Variants in SRSF12 observed in about 807,000 individuals in gnomAD.
The protein encoded by SRSF12 is serine/arginine-rich splicing factor 12.
A neutral mutation model predicts 34.1 loss-of-function variants in SRSF12; 21 were observed. The observed-to-expected ratio is 0.62, with a 90% CI of 0.44 to 0.89. SRSF12 has a LOEUF of 0.89. Ranked by LOEUF, SRSF12 falls within the 40% of genes least tolerant of loss-of-function variation. The pLI is 0.00. For missense variants in SRSF12, 278 were observed against 327.8 expected (o/e 0.85, Z 1.17); for synonymous variants, 111 against 110.8 (o/e 1.00, Z -0.01).
At chr6:89,104,223 CTTTTTTTT>C (rs138798211) in intron 4 of SRSF12, among the ~76,000 whole-genome samples, 2 of 123,550 alleles carry the variant, frequency 1.6e-5, no homozygotes, top group East Asian at 2.3e-4. Flanking sequence ...AACTCATCAC[CTTTTTTTT>C]TTTTTTTTTT....
In SRSF12 at chr6:89,097,679, C is replaced by T. The variant is rs1031815013; in HGVS notation, c.*899G>A. On this transcript the variant is annotated 3_prime_UTR_variant, in exon 5 of 5. Coordinates refer to ENST00000452027, the MANE Select transcript of SRSF12 (RefSeq NM_080743.5). ...AAGTTTCTTAATACAAGGTACTAAA[C>T]ACTCTTTCAAAAATAATAAGACTTG... 2.0e-5 allele frequency: 3 copies of T among 152,004 alleles called. No homozygotes were observed. Among genetic ancestry groups the T allele is most frequent in the African/African-American group, 7.2e-5 (3 of 41,394 alleles). 9.4% of individuals were successfully genotyped at this position (152,004 alleles called of 1,614,324 possible).
At position 89,117,901 on chromosome 6, in the gene SRSF12, G is replaced by C; in HGVS notation, c.-14C>G. 3.8e-6 allele frequency: 6 copies of C among 1,559,288 alleles called. No individual in the cohort carries two copies. The highest frequency in any genetic ancestry group is 5.2e-6 in the Non-Finnish European group (6 of 1,155,608). On this transcript the variant is annotated 5_prime_UTR_variant, in exon 1 of 5. Coordinates refer to ENST00000452027, the MANE Select transcript of SRSF12 (RefSeq NM_080743.5). ...GTAGCGAGACATGACCGCTTCCTCC[G>C]TTCCCTCCGGGTCTGCCCGCGGCCG...
intron 4 of SRSF12, among the ~76,000 whole-genome samples, chr6:89,101,212 A>G (rs906753265): frequency 2.0e-5 from 3 of 152,212 alleles, no homozygotes; most frequent in African/African-American, 7.2e-5. Context: ...AATCCCTAAA[A>G]GAACACAGCA....
intron 1 of SRSF12, among the ~76,000 whole-genome samples, chr6:89,115,518 G>A (rs1769248166): frequency 6.6e-6 from 1 of 151,968 alleles, no homozygotes; most frequent in Non-Finnish European, 1.5e-5. Context: ...CTCACCTCAA[G>A]TGATCCGCCG....
At position 89,117,863 on chromosome 6, in the gene SRSF12, T is replaced by C; in HGVS notation, c.25A>G (p.Asn9Asp). The change falls in exon 1 of 5, where the codon AAC becomes GAC. Residue 9 changes from asparagine to aspartate, a missense_variant. Coordinates refer to ENST00000452027, the MANE Select transcript of SRSF12 (RefSeq NM_080743.5). The part of the protein sequence containing the change: MSRYTRPP[N>D]TSLFIRNVAD... ...ACGTTCCTGATGAACAGGGAGGTGT[T>C]GGGGGGCCTCGTGTAGCGAGACATG... The C allele has an allele frequency of 6.4e-7, 1 of 1,562,074 alleles. No homozygotes were observed. Among genetic ancestry groups the C allele is most frequent in the Non-Finnish European group, 8.6e-7 (1 of 1,156,544 alleles).
Position 89,098,413 on chromosome 6 carries a change from G to A in SRSF12, c.*165C>T. 1 of 866,180 alleles carries A rather than the reference G, an allele frequency of 1.2e-6. No individual in the cohort carries two copies. The highest frequency in any genetic ancestry group is 1.6e-6 in the Non-Finnish European group (1 of 616,902). 53.7% of individuals were successfully genotyped at this position (866,180 alleles called of 1,614,324 possible). On this transcript the variant is annotated 3_prime_UTR_variant, in exon 5 of 5. Coordinates refer to ENST00000452027, the MANE Select transcript of SRSF12 (RefSeq NM_080743.5). Reference sequence around the variant, plus strand: ...TTGTAGTGTGGGCCCTTTAAATGGAGACCAAATTTTTATTAATCCAAAGCT... The same window carrying A: ...TTGTAGTGTGGGCCCTTTAAATGGAAACCAAATTTTTATTAATCCAAAGCT...
intron 1 of SRSF12, among the ~76,000 whole-genome samples, chr6:89,117,040 C>T (rs1026473090): frequency 6.6e-6 from 1 of 152,016 alleles, no homozygotes; most frequent in African/African-American, 2.4e-5. Flanking sequence ...CCTCTCCCCC[C>T]GCCCCCAATT....
intron 4 of SRSF12, among the ~76,000 whole-genome samples, chr6:89,100,520 G>C (rs1270661650): frequency 1.5e-5 from 1 of 64,820 alleles, no homozygotes; most frequent in African/African-American, 5.7e-5. Context: ...CACATGTTAT[G>C]TTAAAAAAAA....
At position 89,098,715 on chromosome 6, in the gene SRSF12, A is replaced by G; in HGVS notation, c.649T>C (p.Ser217Pro). The change falls in exon 5 of 5, where the codon TCT becomes CCT. Residue 217 changes from serine (S) to proline (P), a missense_variant. Physicochemically the swap from Ser to Pro is moderately conservative, Grantham distance 74. Transcript: ENST00000452027. ...CACGGGGATCTTGCTATTGAGTCAG[A>G]ATGTCTTCCATGTGATCTTGATTTT... The part of the protein sequence containing the change: ...GTKSRSHGRH[S>P]DSIARSPCKS... 7 of 1,613,964 alleles carry G rather than the reference A, an allele frequency of 4.3e-6. No homozygotes were observed. The highest frequency in any genetic ancestry group is 5.9e-6 in the Non-Finnish European group (7 of 1,179,880).
At position 89,118,021 on chromosome 6, in the gene SRSF12, G is replaced by T; in HGVS notation, c.-134C>A. On this transcript the variant is annotated 5_prime_UTR_variant, in exon 1 of 5. In the 5' UTR this introduces an upstream ATG that the reference lacks. Transcript: ENST00000452027. ...CCACCCCTCGGCCTCAGCCCCGCCA[G>T]CGCGCAGCCGCAGAGGCCGGCGCAG... 1.1e-6 allele frequency: 1 copy of T among 886,744 alleles called. No individual in the cohort carries two copies. Among genetic ancestry groups the T allele is most frequent in the Non-Finnish European group, 1.6e-6 (1 of 625,140 alleles). 54.9% of individuals were successfully genotyped at this position (886,744 alleles called of 1,614,324 possible). A position where few individuals can be genotyped will look rare whatever the true frequency, so the allele number is the denominator to read the frequency against.
chr6:89,106,411 C>A (rs1768790064), intron 2 of SRSF12, among the ~76,000 whole-genome samples: 1 of 152,052 alleles, frequency 6.6e-6, no homozygotes, highest in Admixed American at 6.6e-5. Context: ...CCGCACCCAG[C>A]CAAACATTTA....
At chr6:89,109,054 C>T (rs1768923151) in intron 1 of SRSF12, among the ~76,000 whole-genome samples, 1 of 152,088 alleles carries the variant, frequency 6.6e-6, no homozygotes, top group Non-Finnish European at 1.5e-5. Flanking sequence ...CTACCATGTG[C>T]CAGGCTCTAG....
intron 1 of SRSF12, 44 bp from the exon 2 acceptor site, chr6:89,107,302 A>T: frequency 2.7e-6 from 4 of 1,483,244 alleles, no homozygotes; most frequent in Non-Finnish European, 3.7e-6. Flanking sequence ...GAATAGCTGG[A>T]TTAAAATATT....
intron 1 of SRSF12, among the ~76,000 whole-genome samples, chr6:89,110,277 C>G (rs1232259176): frequency 1.3e-5 from 2 of 152,134 alleles, no homozygotes; most frequent in African/African-American, 4.8e-5. Flanking sequence ...AATGAAAGCA[C>G]AGATTTATTG....
intron 4 of SRSF12, among the ~76,000 whole-genome samples, chr6:89,099,959 A>AT (rs898451833): frequency 1.3e-5 from 2 of 152,144 alleles, no homozygotes; most frequent in Admixed American, 6.5e-5. Context: ...TACTAAGACC[A>AT]TTTTTCAAAT....
chr6:89,102,998 C>G (rs55636448), intron 4 of SRSF12, among the ~76,000 whole-genome samples: 9,558 of 152,210 alleles, frequency 0.063, 870 homozygotes, highest in African/African-American at 0.2. Flanking sequence ...AATTCCTGGA[C>G]TCAAGTGATC....
At chr6:89,099,420 A>G (rs1356429334) in intron 4 of SRSF12, among the ~76,000 whole-genome samples, 2 of 139,960 alleles carry the variant, frequency 1.4e-5, no homozygotes, top group Non-Finnish European at 3.1e-5. Flanking sequence ...ATATACATAT[A>G]TATATGTGTG....
At chr6:89,110,090 CA>C (rs139025607) in intron 1 of SRSF12, among the ~76,000 whole-genome samples, 26,587 of 145,398 alleles carry the variant, frequency 0.18, 2,976 homozygotes, top group Non-Finnish European at 0.26. Context: ...GACTCTGTCT[CA>C]AAAAAAAAAA....
intron 1 of SRSF12, among the ~76,000 whole-genome samples, chr6:89,110,435 C>T (rs1169446005): frequency 6.6e-6 from 1 of 152,066 alleles, no homozygotes; most frequent in Non-Finnish European, 1.5e-5. Context: ...CTTGGCCCAC[C>T]ACCAGTCTGG....
Sources: allele counts gnomAD v4.1 joint callset (sites outside exome capture counted in the v4.1 genomes callset), GRCh38; gene constraint gnomAD v4.1.1; transcripts MANE v1.5; gene names NCBI Gene and HGNC (gene_info 2026-07-23, HGNC 2026-07-21).